ADPGK: variants seen among roughly 807,000 people sequenced by gnomAD.
ADPGK encodes the protein ADP-dependent glucokinase.
Under a neutral mutation model 42.4 loss-of-function variants are expected in ADPGK, and 26 were observed. The ratio of observed to expected loss-of-function variants is 0.61; its 90% CI spans 0.45 to 0.85. The LOEUF is 0.85. ADPGK is among the 40% of genes least tolerant of loss of function. The pLI, the probability that ADPGK is intolerant of heterozygous loss-of-function variation, is 0.00. For synonymous variants in ADPGK, 267 were observed against 252.6 expected, an observed-to-expected ratio of 1.06 and a Z score of -0.54; for missense variants, 571 against 627.0, an observed-to-expected ratio of 0.91 and a Z score of 0.95.
chr15:72,759,432 C>T (rs1193690992), intron 4 of ADPGK, among the ~76,000 whole-genome samples: 1 of 152,138 alleles, frequency 6.6e-6, no homozygotes, highest in African/African-American at 2.4e-5. Flanking sequence ...ATTTTCAGAC[C>T]CTATCCTTCT....
intron 4 of ADPGK, chr15:72,757,731 T>C (rs2066135440): frequency 5.5e-6 from 1 of 181,214 alleles, no homozygotes; most frequent in Non-Finnish European, 1.2e-5. Context: ...ATTTTGCAAA[T>C]CAACAAAGAC....
chr15:72,776,413 C>T (rs980555630), intron 1 of ADPGK, among the ~76,000 whole-genome samples: 6 of 152,230 alleles, frequency 3.9e-5, no homozygotes, highest in South Asian at 2.1e-4. Flanking sequence ...CCTAGTGATA[C>T]GGGTGACTGG....
rs558688290 is a variant in ADPGK at position 72,763,085 on chromosome 15, C to T, written c.523-2558G>A. On this transcript the variant is annotated intron_variant, in intron 3 of 6. Transcript: ENST00000456471. ...CCTGAAAGAATTTATCACCAGCAGA[C>T]TCGCACCACAAGCAATGTTAAAAGA... Among the ~76,000 whole-genome samples, 20 of 152,308 alleles carry T rather than the reference C, an allele frequency of 1.3e-4. No individual in the cohort carries two copies. In the South Asian group the frequency reaches 3.5e-3, roughly 27 times the overall value.
chr15:72,760,241 C>T lies in ADPGK; in HGVS notation c.643+166G>A, dbSNP rs529474810. ...TAATACTCAGTCTCCCTTGAGACAA[C>T]GGCCAGTATCAGCTCAGTAGAACCA... On this transcript the variant is annotated intron_variant, in intron 4 of 6. Coordinates refer to ENST00000456471, the MANE Select transcript of ADPGK (RefSeq NM_001365225.1). The T allele has an allele frequency of 1.1e-4, 88 of 788,228 alleles. 1 individual carries two copies. Among genetic ancestry groups the T allele is most frequent in the Non-Finnish European group, 1.5e-4 (84 of 543,520 alleles). The allele number at this position is 788,228 out of a possible 1,614,324, so 48.8% of individuals were successfully genotyped here. A position where few individuals can be genotyped will look rare whatever the true frequency, so the allele number is the denominator to read the frequency against.
In ADPGK at chr15:72,752,602, C is replaced by T. The variant is rs774610947; in HGVS notation, c.1233G>A (p.Gly411=). The change falls in exon 7 of 7, where the codon GGG becomes GGA. Residue 411 remains glycine (G), a synonymous_variant. Transcript: ENST00000456471. ...TGGTTTCTGTGGCGCAGGCCTGTGT[C>T]CCAGCCACACGAGCTCCTGCAGCCA... is the stretch of plus-strand genomic sequence containing the variant. The part of the protein sequence containing the change: ...AAVAAGARVA[G]TQACATETID... 6.2e-7 allele frequency: 1 copy of T among 1,614,196 alleles called. No homozygotes were observed. Among genetic ancestry groups the T allele is most frequent in the Non-Finnish European group, 8.5e-7 (1 of 1,180,026 alleles).
In ADPGK at chr15:72,783,430, TCA is replaced by T. The variant is rs2066494107; in HGVS notation, c.233+27_233+28del. The T allele has an allele frequency of 2.3e-6, 3 of 1,331,476 alleles. No individual in the cohort carries two copies. In the African/African-American group the frequency reaches 4.6e-5, roughly 21 times the overall value. 82.5% of individuals were successfully genotyped at this position (1,331,476 alleles called of 1,614,324 possible). A position where few individuals can be genotyped will look rare whatever the true frequency, so the allele number is the denominator to read the frequency against. On this transcript the variant is annotated intron_variant, in intron 1 of 6. Transcript: ENST00000456471. The stretch of plus-strand genomic sequence containing the variant: ...GACCTCCAAGGCCGACCTCGGAGGC[TCA>T]GAGACCCAGGCCCCGTTGGCACTCA...
chr15:72,752,865 G>A lies in ADPGK; in HGVS notation c.970C>T (p.Leu324=), dbSNP rs753254481. 2 of 1,613,548 alleles carry A rather than the reference G, an allele frequency of 1.2e-6. No homozygotes were observed. The highest frequency in any genetic ancestry group is 1.3e-5 in the African/African-American group (1 of 74,908). ...QVFPAVTSLG[L]NEQELLFLTQ... ...AGAAATAACAGCTCCTGTTCATTCAGCCCAAGGGAAGTCACCGCGGGAAAG... is the reference window on the plus strand; with the variant it reads ...AGAAATAACAGCTCCTGTTCATTCAACCCAAGGGAAGTCACCGCGGGAAAG... The change falls in exon 7 of 7, where the codon CTG becomes TTG. Residue 324 remains leucine (L), a synonymous_variant. Transcript: ENST00000456471.
At chr15:72,757,699 G>A (rs915834386) in intron 4 of ADPGK, 5 of 174,914 alleles carry the variant, frequency 2.9e-5, no homozygotes, top group African/African-American at 1.2e-4. Flanking sequence ...CAAAAAATAT[G>A]GGTATGAACC....
intron 5 of ADPGK, 125 bp from the exon 6 acceptor site, chr15:72,755,779 G>T: frequency 1.4e-6 from 1 of 725,246 alleles, no homozygotes. Context: ...GCTCACGGGA[G>T]CTACAAGCAA....
At chr15:72,755,130 C>T (rs952784928) in intron 6 of ADPGK, among the ~76,000 whole-genome samples, 1 of 152,220 alleles carries the variant, frequency 6.6e-6, no homozygotes, top group African/African-American at 2.4e-5. Context: ...TCTGAAGCTT[C>T]ACCTGCTCAG....
chr15:72,756,703 C>A, intron 4 of ADPGK: 1 of 501,566 alleles, frequency 2.0e-6, no homozygotes, highest in Non-Finnish European at 3.6e-6. Context: ...ATTAGCTCCC[C>A]CTGAGTCCCA....
At chr15:72,756,598 A>G in intron 4 of ADPGK, 151 bp from the exon 5 acceptor site, 1 of 762,460 alleles carries the variant, frequency 1.3e-6, no homozygotes, top group Non-Finnish European at 2.1e-6. Context: ...GCCTAAGGTC[A>G]GCATGGCACT....
Position 72,756,245 on chromosome 15 carries a change from C to T in ADPGK, c.840+6G>A, listed in dbSNP as rs1234997468. On this transcript the variant is annotated splice_donor_region_variant and intron_variant, in intron 5 of 6. Transcript: ENST00000456471. The stretch of plus-strand genomic sequence containing the variant: ...GATCTGTGAAATTCTGTAACAGTGC[C>T]ATTACCTCCAAGAGTCTCTTCCTCT... 6.2e-7 allele frequency: 1 copy of T among 1,613,874 alleles called. No homozygotes were observed.
intron 3 of ADPGK, among the ~76,000 whole-genome samples, chr15:72,768,261 A>C (rs968241441): frequency 6.6e-6 from 1 of 152,222 alleles, no homozygotes; most frequent in Non-Finnish European, 1.5e-5. Context: ...TAAAGAAATC[A>C]GTTATTTAAA....
chr15:72,781,665 G>T (rs1270075197), intron 1 of ADPGK, among the ~76,000 whole-genome samples: 1 of 152,204 alleles, frequency 6.6e-6, no homozygotes, highest in Non-Finnish European at 1.5e-5. Context: ...TGGTAGAAGA[G>T]TTCCTATGTG....
intron 3 of ADPGK, among the ~76,000 whole-genome samples, chr15:72,770,139 C>T (rs1416984039): frequency 2.6e-5 from 4 of 152,198 alleles, no homozygotes; most frequent in Admixed American, 6.5e-5. Context: ...CAGAGCCTGA[C>T]ACTTGAATCC....
At chr15:72,773,958 T>C (rs1208762462) in intron 2 of ADPGK, among the ~76,000 whole-genome samples, 3 of 152,160 alleles carry the variant, frequency 2.0e-5, no homozygotes, top group South Asian at 2.1e-4. Context: ...AGCCTTGACC[T>C]CCCGGGCTCA....
At position 72,774,749 on chromosome 15, in the gene ADPGK, CA is replaced by C. The variant is rs1369484087; in HGVS notation, c.459+122del. ...TCAACCTAGACCCACAGTTTTCAAC[CA>C]GGGGTGATTTTGCTCCCCTCCTCTT... On this transcript the variant is annotated intron_variant, in intron 2 of 6. Coordinates refer to ENST00000456471, the MANE Select transcript of ADPGK (RefSeq NM_001365225.1). The C allele has an allele frequency of 3.9e-6, 3 of 767,948 alleles. No homozygotes were observed. The African/African-American group carries it at 5.3e-5, about 13-fold the overall frequency. 47.6% of individuals were successfully genotyped at this position (767,948 alleles called of 1,614,324 possible). A position where few individuals can be genotyped will look rare whatever the true frequency, so the allele number is the denominator to read the frequency against.
At chr15:72,771,727 A>C (rs2066330735) in intron 3 of ADPGK, 56 bp downstream of exon 3, 2 of 1,507,540 alleles carry the variant, frequency 1.3e-6, no homozygotes, top group African/African-American at 2.8e-5. Context: ...TCTTGCTCCT[A>C]AAATTATTGA....
Sources: gnomAD v4.1 joint callset for allele counts (sites outside exome capture counted in the v4.1 genomes callset) on GRCh38, gnomAD v4.1.1 for gene constraint, MANE v1.5 for transcripts, NCBI Gene and HGNC (gene_info 2026-07-23, HGNC 2026-07-21) for gene names.